The following OTUD7A variants were observed in gnomAD, a reference collection of about 807,000 sequenced individuals.
OTUD7A encodes the protein OTU deubiquitinase 7A, also known as OTU domain-containing protein 7A.
Under a neutral mutation model 65.7 loss-of-function variants are expected in OTUD7A, and 12 were observed. The observed-to-expected ratio is 0.18, with a 90% CI of 0.12 to 0.30. The LOEUF (loss-of-function observed/expected upper bound fraction) is 0.30, where lower values mean the gene tolerates loss of function less well. OTUD7A is among the 10% of genes least tolerant of loss of function. OTUD7A has a pLI of 1.00. For missense variants in OTUD7A, 1,148 were observed against 1,304.8 expected (o/e 0.88, Z 1.85); for synonymous variants, 641 against 586.3 (o/e 1.09, Z -1.35).
At chr15:31,598,425 G>T (rs969574840) in intron 3 of OTUD7A, among the ~76,000 whole-genome samples, 1 of 152,114 alleles carries the variant, frequency 6.6e-6, no homozygotes, top group Non-Finnish European at 1.5e-5. Flanking sequence ...CCCTACCCAA[G>T]GGAAGCCGTG....
At chr15:31,725,253 G>A (rs1036826207) in intron 1 of OTUD7A, among the ~76,000 whole-genome samples, 1 of 152,190 alleles carries the variant, frequency 6.6e-6, no homozygotes, top group African/African-American at 2.4e-5. Context: ...AGGGTGATGG[G>A]ACCTCACAGC....
chr15:31,765,628 A>AT, intron 1 of OTUD7A: 1 of 619,542 alleles, frequency 1.6e-6, no homozygotes, highest in East Asian at 2.8e-5. Context: ...TACCTTACAT[A>AT]ATGTGTTTAT....
chr15:31,527,709 G>A (rs1371073890), intron 6 of OTUD7A, among the ~76,000 whole-genome samples: 3 of 152,216 alleles, frequency 2.0e-5, no homozygotes, highest in Non-Finnish European at 2.9e-5. Flanking sequence ...CCAGGTGAGG[G>A]AGGCCATTAG....
intron 1 of OTUD7A, chr15:31,767,995 C>T: frequency 1.9e-6 from 3 of 1,587,180 alleles, no homozygotes; most frequent in Non-Finnish European, 2.6e-6. Context: ...ACAGTTGTTG[C>T]CTTGTAACTT....
chr15:31,857,433 C>T (rs1262522078), intron 1 of OTUD7A, among the ~76,000 whole-genome samples: 1 of 152,108 alleles, frequency 6.6e-6, no homozygotes, highest in East Asian at 1.9e-4. Flanking sequence ...CAGGCCTGGC[C>T]TGGGCACTCG....
rs1324379596 is a variant in OTUD7A at position 31,475,924 on chromosome 15, A to G, written c.*7370T>C. 1 of 152,284 alleles carries G rather than the reference A, an allele frequency of 6.6e-6. No individual in the cohort carries two copies. Among genetic ancestry groups the G allele is most frequent in the Non-Finnish European group, 1.5e-5 (1 of 68,042 alleles). 9.4% of individuals were successfully genotyped at this position (152,284 alleles called of 1,614,324 possible). A position where few individuals can be genotyped will look rare whatever the true frequency, so the allele number is the denominator to read the frequency against. ...AAAAAGAGGAACATTCACTGACTTCATTAGGCCAAACGCACGTTTAATGGA... is the reference window on the plus strand; with the variant it reads ...AAAAAGAGGAACATTCACTGACTTCGTTAGGCCAAACGCACGTTTAATGGA... On this transcript the variant is annotated 3_prime_UTR_variant, in exon 13 of 13. Coordinates refer to ENST00000307050, the MANE Select transcript of OTUD7A (RefSeq NM_001382637.1).
intron 3 of OTUD7A, among the ~76,000 whole-genome samples, chr15:31,578,453 A>G (rs2141181246): frequency 6.6e-6 from 1 of 152,276 alleles, no homozygotes; most frequent in Non-Finnish European, 1.5e-5. Context: ...CTTTCTATTA[A>G]TAACTCTTTC....
intron 1 of OTUD7A, among the ~76,000 whole-genome samples, chr15:31,728,213 C>T (rs898454443): frequency 6.6e-6 from 1 of 152,144 alleles, no homozygotes; most frequent in South Asian, 2.1e-4. Context: ...ACCAGTATCC[C>T]GGGAGCCATT....
chr15:31,597,625 A>G (rs995469524), intron 3 of OTUD7A, among the ~76,000 whole-genome samples: 1 of 151,872 alleles, frequency 6.6e-6, no homozygotes, highest in Non-Finnish European at 1.5e-5. Context: ...ATATTACCCA[A>G]TCACTTTAGC....
In OTUD7A at chr15:31,553,736, T is replaced by G. The variant is rs149159785; in HGVS notation, c.550+5233A>C. The stretch of plus-strand genomic sequence containing the variant: ...AGGTCTGCCTTCAAAACGTACCCCA[T>G]AGCCGTGTCTCTCTACTGCCCCTCA... On this transcript the variant is annotated intron_variant, in intron 5 of 12. Coordinates refer to ENST00000307050, the MANE Select transcript of OTUD7A (RefSeq NM_001382637.1). 4.5e-3 allele frequency among the ~76,000 whole-genome samples: 679 copies of G among 151,998 alleles called. 7 individuals are homozygous for G. The highest frequency in any genetic ancestry group is 0.015 in the African/African-American group (610 of 41,440).
At position 31,483,415 on chromosome 15, in the gene OTUD7A, T is replaced by G. The variant is rs1399063038; in HGVS notation, c.2681A>C (p.Gln894Pro). Residue 894 changes from glutamine to proline, a missense_variant, in exon 13 of 13, where the codon CAG becomes CCG. Gln to Pro is a moderately conservative substitution (Grantham distance 76). Coordinates refer to ENST00000307050, the MANE Select transcript of OTUD7A (RefSeq NM_001382637.1). ...ACAGTTCTCGCGCTGGCAGCGCCGC[T>G]GCACCGGCCCCGGGCCGCCACGGCC... is the stretch of plus-strand genomic sequence containing the variant. ...ECGRGGPGPV[Q>P]RRCQRENCAF... 2.9e-6 allele frequency: 4 copies of G among 1,366,090 alleles called. No individual in the cohort carries two copies. Among genetic ancestry groups the G allele is most frequent in the African/African-American group, 1.6e-5 (1 of 64,348 alleles). 84.6% of individuals were successfully genotyped at this position (1,366,090 alleles called of 1,614,324 possible). A position where few individuals can be genotyped will look rare whatever the true frequency, so the allele number is the denominator to read the frequency against.
intron 3 of OTUD7A, among the ~76,000 whole-genome samples, chr15:31,620,162 G>A (rs1184802819): frequency 1.1e-4 from 17 of 152,234 alleles, no homozygotes; most frequent in South Asian, 1.0e-3. Flanking sequence ...TGCTGGATTC[G>A]GTCTGCCAGT....
intron 3 of OTUD7A, among the ~76,000 whole-genome samples, chr15:31,652,586 G>A (rs1239835068): frequency 6.6e-6 from 1 of 151,988 alleles, no homozygotes; most frequent in Non-Finnish European, 1.5e-5. Flanking sequence ...TCACAAATCT[G>A]AACAAAAGAT....
At position 31,837,372 on chromosome 15, in the gene OTUD7A, C is replaced by CA. The variant is rs57479397; in HGVS notation, c.-100+33134dup. Among the ~76,000 whole-genome samples the CA allele has an allele frequency of 4.3e-3, 522 of 120,236 alleles. 6 individuals carry two copies. The highest frequency in any genetic ancestry group is 0.015 in the African/African-American group (454 of 30,926). The allele number at this position is 120,236 out of a possible 152,430, so 78.9% of individuals were successfully genotyped here. The stretch of plus-strand genomic sequence containing the variant: ...TGAAACCCCATCTCTACTAAAAATA[C>CA]AAAAAAAAAAAAAAAAAAAAAAAAT... On this transcript the variant is annotated intron_variant, in intron 1 of 12. Coordinates refer to ENST00000307050, the MANE Select transcript of OTUD7A (RefSeq NM_001382637.1).
At chr15:31,632,510 G>A (rs1182817645) in intron 3 of OTUD7A, among the ~76,000 whole-genome samples, 6 of 152,234 alleles carry the variant, frequency 3.9e-5, no homozygotes, top group East Asian at 1.9e-4. Context: ...GTACCTGGCC[G>A]TGTGAGGTGT....
chr15:31,638,215 T>C (rs1424058766), intron 3 of OTUD7A, among the ~76,000 whole-genome samples: 7 of 152,058 alleles, frequency 4.6e-5, no homozygotes, highest in South Asian at 2.1e-4. Flanking sequence ...GCCATAAACA[T>C]TGAGGCAAGA....
At chr15:31,553,283 A>G (rs1313795263) in intron 5 of OTUD7A, among the ~76,000 whole-genome samples, 1 of 151,986 alleles carries the variant, frequency 6.6e-6, no homozygotes, top group Admixed American at 6.6e-5. Context: ...CTCAGCCCTC[A>G]ATACTGTAGG....
At chr15:31,615,041 A>C (rs1890544383) in intron 3 of OTUD7A, among the ~76,000 whole-genome samples, 1 of 152,220 alleles carries the variant, frequency 6.6e-6, no homozygotes. Context: ...AACATTAATA[A>C]ATACTTTGAT....
At chr15:31,665,850 G>A (rs1458119443) in intron 1 of OTUD7A, among the ~76,000 whole-genome samples, 6 of 152,182 alleles carry the variant, frequency 3.9e-5, no homozygotes, top group Admixed American at 3.9e-4. Flanking sequence ...ATTTTGCTGA[G>A]AGTTTTAATC....
Sources: allele counts gnomAD v4.1 joint callset (sites outside exome capture counted in the v4.1 genomes callset), GRCh38; gene constraint gnomAD v4.1.1; transcripts MANE v1.5; gene names NCBI Gene and HGNC (gene_info 2026-07-23, HGNC 2026-07-21).